Variants in ATL2 observed in about 807,000 individuals in gnomAD.
ATL2 encodes atlastin GTPase 2, also known as atlastin-2.
In ATL2, 31 loss-of-function variants were observed where a neutral mutation model predicts 73.9. The ratio of observed to expected loss-of-function variants is 0.42; its 90% confidence interval spans 0.32 to 0.57. The LOEUF is 0.57. Ranked by LOEUF, ATL2 falls within the 20% of genes least tolerant of loss-of-function variation. The probability of loss-of-function intolerance (pLI) is 0.14; values close to 1 mark genes in which losing one functional copy is unlikely to be tolerated. For synonymous variants in ATL2, 291 were observed against 237.5 expected, an observed-to-expected ratio of 1.23 and a Z score of -2.07; for missense variants, 738 against 702.6, an observed-to-expected ratio of 1.05 and a Z score of -0.57.
chr2:38,319,027 A>C lies in ATL2; in HGVS notation c.364-8T>G. The C allele has an allele frequency of 6.2e-7, 1 of 1,609,454 alleles. No individual in the cohort carries two copies. The highest frequency in any genetic ancestry group is 8.5e-7 in the Non-Finnish European group (1 of 1,178,498). On this transcript the variant is annotated splice_polypyrimidine_tract_variant and splice_region_variant and intron_variant, in intron 2 of 12. Transcript: ENST00000378954. ...AATCCAACTTTGAGAATCCTGTTAA[A>C]GTCAAGGATAAATGTAAAATACAAC...
intron 2 of ATL2, among the ~76,000 whole-genome samples, chr2:38,320,486 A>T (rs1292770723): frequency 6.6e-6 from 1 of 152,198 alleles, no homozygotes; most frequent in Non-Finnish European, 1.5e-5. Context: ...TATGTTTAAA[A>T]TTTTCCATAA....
At position 38,312,707 on chromosome 2, in the gene ATL2, A is replaced by T. The variant is rs201097206; in HGVS notation, c.804+444T>A. ...CCAGGCAATAGTGTGAGACTGTCTTAAAAAAAAAAAAAAAAAAAGAAGGTG... is the reference window on the plus strand; with the variant it reads ...CCAGGCAATAGTGTGAGACTGTCTTTAAAAAAAAAAAAAAAAAAGAAGGTG... On this transcript the variant is annotated intron_variant, in intron 7 of 12. Transcript: ENST00000378954. 5.7e-3 allele frequency among the ~76,000 whole-genome samples: 313 copies of T among 55,128 alleles called. 6 individuals are homozygous for T. In the East Asian group the frequency reaches 0.094, roughly 17 times the overall value. The allele number at this position is 55,128 out of a possible 152,430, so 36.2% of individuals were successfully genotyped here.
chr2:38,333,435 T>C (rs917425395), intron 2 of ATL2, among the ~76,000 whole-genome samples: 2 of 152,222 alleles, frequency 1.3e-5, no homozygotes, highest in Admixed American at 6.5e-5. Flanking sequence ...AAGGAACTTA[T>C]ATTATACAAG....
chr2:38,364,343 T>C (rs1236400259), intron 1 of ATL2, among the ~76,000 whole-genome samples: 1 of 152,206 alleles, frequency 6.6e-6, no homozygotes, highest in Non-Finnish European at 1.5e-5. Context: ...CCACTGACAA[T>C]TTCAGAGCAG....
At chr2:38,364,589 T>G (rs1412153193) in intron 1 of ATL2, among the ~76,000 whole-genome samples, 3 of 152,250 alleles carry the variant, frequency 2.0e-5, no homozygotes, top group Admixed American at 1.3e-4. Context: ...ACATGCCTTA[T>G]AAAACGACAA....
intron 1 of ATL2, among the ~76,000 whole-genome samples, chr2:38,345,941 C>T (rs1193857474): frequency 1.3e-5 from 2 of 152,178 alleles, no homozygotes; most frequent in Non-Finnish European, 2.9e-5. Flanking sequence ...GTATGCTACG[C>T]AGTAAGCACC....
At position 38,294,640 on chromosome 2, in the gene ATL2, C is replaced by CA. The variant is rs34388748; in HGVS notation, c.*1353dup. Among the ~76,000 whole-genome samples the CA allele has an allele frequency of 3.5e-3, 500 of 142,370 alleles. 2 individuals are homozygous for CA. Among genetic ancestry groups the CA allele is most frequent in the Middle Eastern group, 0.015 (4 of 274 alleles). The allele number at this position is 142,370 out of a possible 152,430, so 93.4% of individuals were successfully genotyped here. The stretch of plus-strand genomic sequence containing the variant: ...AAAATGCTAGCCTTACATATACCAC[C>CA]AAAAAAAAAAAAAGAGAGAGAAAGA... On this transcript the variant is annotated 3_prime_UTR_variant, in exon 13 of 13. Transcript: ENST00000378954.
chr2:38,358,328 C>A (rs1431021001), intron 1 of ATL2: 1 of 152,718 alleles, frequency 6.5e-6, no homozygotes, highest in Non-Finnish European at 1.5e-5. Flanking sequence ...GGGTTGCTAT[C>A]AAGGGTTTGA....
intron 2 of ATL2, among the ~76,000 whole-genome samples, chr2:38,334,891 A>ATTATATAT (rs1573511907): frequency 3.5e-5 from 1 of 28,484 alleles, no homozygotes; most frequent in African/African-American, 6.9e-5. Context: ...TATAATATAT[A>ATTATATAT]ATATATATTA....
chr2:38,321,525 A>G (rs533497644), intron 2 of ATL2, among the ~76,000 whole-genome samples: 2 of 152,036 alleles, frequency 1.3e-5, no homozygotes, highest in South Asian at 2.1e-4. Context: ...CCTTGACTAC[A>G]TATTTGGATA....
chr2:38,296,283 T>C, intron 12 of ATL2, 170 bp from the exon 13 acceptor site: 1 of 1,437,974 alleles, frequency 7.0e-7, no homozygotes, highest in East Asian at 2.5e-5. Context: ...AGACATTTTA[T>C]AATGCAACAA....
chr2:38,305,738 A>T (rs1667416366), intron 9 of ATL2, among the ~76,000 whole-genome samples: 1 of 152,174 alleles, frequency 6.6e-6, no homozygotes, highest in Non-Finnish European at 1.5e-5. Flanking sequence ...GAAACAAATG[A>T]AAACGGAAAC....
chr2:38,358,663 G>C (rs909388642), intron 1 of ATL2: 1 of 170,988 alleles, frequency 5.8e-6, no homozygotes, highest in Non-Finnish European at 1.3e-5. Context: ...CTGCACCCCA[G>C]CCTGGGCGAC....
At chr2:38,333,975 G>A (rs1191004582) in intron 2 of ATL2, among the ~76,000 whole-genome samples, 4 of 150,774 alleles carry the variant, frequency 2.7e-5, no homozygotes, top group Non-Finnish European at 5.9e-5. Flanking sequence ...CAGCAGCAGG[G>A]ACCCCAATAT....
chr2:38,348,118 A>G (rs1267236938), intron 1 of ATL2, among the ~76,000 whole-genome samples: 3 of 152,080 alleles, frequency 2.0e-5, no homozygotes, highest in Admixed American at 2.0e-4. Context: ...GCTTGGGGAA[A>G]TACCTCCGAC....
intron 6 of ATL2, 125 bp from the exon 7 acceptor site, chr2:38,313,368 C>A (rs1667858944): frequency 5.8e-6 from 4 of 686,994 alleles, no homozygotes; most frequent in Non-Finnish European, 9.5e-6. Context: ...GTTATAGTAA[C>A]TAAATGGTCA....
intron 1 of ATL2, among the ~76,000 whole-genome samples, chr2:38,344,123 G>A (rs1020542947): frequency 3.3e-5 from 5 of 151,922 alleles, no homozygotes; most frequent in African/African-American, 1.2e-4. Flanking sequence ...TAACTTCATT[G>A]AGAATGTTCA....
intron 1 of ATL2, among the ~76,000 whole-genome samples, chr2:38,359,286 A>G (rs1409412561): frequency 3.3e-5 from 5 of 152,248 alleles, no homozygotes; most frequent in African/African-American, 9.6e-5. Context: ...CCTGGCCAAC[A>G]TGGTGAAACC....
chr2:38,349,538 G>A (rs1169070419), intron 1 of ATL2, among the ~76,000 whole-genome samples: 1 of 100,512 alleles, frequency 9.9e-6, no homozygotes, highest in Non-Finnish European at 1.9e-5. Context: ...TGGGGGGAGG[G>A]GGGAGGGATA....
Sources: gnomAD v4.1 joint callset for allele counts (sites outside exome capture counted in the v4.1 genomes callset) on GRCh38, gnomAD v4.1.1 for gene constraint, MANE v1.5 for transcripts, NCBI Gene and HGNC (gene_info 2026-07-23, HGNC 2026-07-21) for gene names.